The following CSMD1 variants were observed in gnomAD, a reference collection of about 807,000 sequenced individuals.
CSMD1 encodes CUB and Sushi multiple domains 1, also known as CUB and sushi domain-containing protein 1.
A neutral mutation model predicts 417.5 loss-of-function variants in CSMD1; 213 were observed. That is an observed-to-expected ratio of 0.51 (90% CI 0.46 to 0.57). The LOEUF is 0.57. Ranked by LOEUF, CSMD1 falls within the 20% of genes least tolerant of loss-of-function variation. CSMD1 has a pLI of 0.00. For missense variants in CSMD1, 6,923 were observed against 4,529.7 expected, an observed-to-expected ratio of 1.53 and a Z score of -15.17; for synonymous variants, 2,862 against 1,736.8, an observed-to-expected ratio of 1.65 and a Z score of -16.11.
chr8:4,190,580 A>T (rs1485713530), intron 3 of CSMD1, among the ~76,000 whole-genome samples: 1 of 150,928 alleles, frequency 6.6e-6, no homozygotes, highest in African/African-American at 2.4e-5. Context: ...CTGATGATCT[A>T]TTCCCATGTT....
intron 5 of CSMD1, among the ~76,000 whole-genome samples, chr8:3,901,631 A>C (rs2129133902): frequency 6.6e-6 from 1 of 151,788 alleles, no homozygotes; most frequent in Non-Finnish European, 1.5e-5. Flanking sequence ...CACCGAAGTA[A>C]AACAGTATCT....
intron 3 of CSMD1, among the ~76,000 whole-genome samples, chr8:4,080,174 A>C (rs1038842596): frequency 3.2e-4 from 49 of 152,024 alleles, no homozygotes; most frequent in African/African-American, 1.1e-3. Context: ...CATTTCTATG[A>C]ATCTTTACTT....
intron 1 of CSMD1, among the ~76,000 whole-genome samples, chr8:4,682,958 A>G (rs1334195377): frequency 7.8e-5 from 1 of 12,842 alleles, no homozygotes; most frequent in Non-Finnish European, 1.4e-4. Context: ...GTATCTTCAT[A>G]TATATATATA....
chr8:3,466,712 AG>A (rs770285041), intron 12 of CSMD1, among the ~76,000 whole-genome samples: 151 of 151,700 alleles, frequency 1.0e-3, no homozygotes, highest in Non-Finnish European at 6.6e-4. Flanking sequence ...TAAAGGTGTC[AG>A]CCCCCCTGCC....
chr8:3,549,474 G>C (rs758566468), intron 10 of CSMD1, among the ~76,000 whole-genome samples: 1 of 152,204 alleles, frequency 6.6e-6, no homozygotes, highest in Non-Finnish European at 1.5e-5. Context: ...TGTCGCAGCA[G>C]TGAGAGATGG....
At chr8:3,315,801 C>G (rs528350073) in intron 23 of CSMD1, among the ~76,000 whole-genome samples, 2 of 152,200 alleles carry the variant, frequency 1.3e-5, no homozygotes, top group South Asian at 2.1e-4. Flanking sequence ...TATTTTTTAT[C>G]AAGCAAACTT....
Position 4,374,167 on chromosome 8 carries a change from G to A in CSMD1, c.415+45786C>T, listed in dbSNP as rs140013965. On this transcript the variant is annotated intron_variant, in intron 3 of 69. Coordinates refer to ENST00000635120, the MANE Select transcript of CSMD1 (RefSeq NM_033225.6). ...AGTACGTCCTTACCCTCCCCTTTTA[G>A]ATCCCCCCTCTGAGTTCCAGTCCAG... 1.6e-3 allele frequency among the ~76,000 whole-genome samples: 239 copies of A among 152,142 alleles called. 1 individual carries two copies. Among genetic ancestry groups the A allele is most frequent in the African/African-American group, 5.5e-3 (228 of 41,510 alleles).
intron 1 of CSMD1, among the ~76,000 whole-genome samples, chr8:4,706,597 T>C (rs1360719331): frequency 6.6e-6 from 1 of 152,236 alleles, no homozygotes; most frequent in Non-Finnish European, 1.5e-5. Flanking sequence ...AGTTCAACTA[T>C]TTAGGAAGTG....
At chr8:4,952,704 G>A (rs1246557572) in intron 1 of CSMD1, among the ~76,000 whole-genome samples, 1 of 151,968 alleles carries the variant, frequency 6.6e-6, no homozygotes, top group Non-Finnish European at 1.5e-5. Context: ...ATTAAAATGA[G>A]TATTAAAATG....
chr8:4,336,595 C>A (rs530734268), intron 3 of CSMD1, among the ~76,000 whole-genome samples: 106 of 152,270 alleles, frequency 7.0e-4, no homozygotes, highest in African/African-American at 2.5e-3. Flanking sequence ...ATTTATTTTA[C>A]ACACACAAAG....
chr8:3,210,019 G>A (rs1316414116), intron 30 of CSMD1, among the ~76,000 whole-genome samples: 4 of 152,052 alleles, frequency 2.6e-5, no homozygotes, highest in Admixed American at 6.6e-5. Flanking sequence ...GGTAATAGAC[G>A]AATAACCAGG....
intron 12 of CSMD1, among the ~76,000 whole-genome samples, chr8:3,463,354 G>A (rs1490258901): frequency 6.6e-6 from 1 of 152,308 alleles, no homozygotes; most frequent in Non-Finnish European, 1.5e-5. Context: ...GGAAAAAAAT[G>A]TTAAATCCAC....
At chr8:4,855,638 G>A (rs188172553) in intron 1 of CSMD1, among the ~76,000 whole-genome samples, 2 of 152,320 alleles carry the variant, frequency 1.3e-5, no homozygotes, top group Admixed American at 6.5e-5. Flanking sequence ...TGGAGCCAAT[G>A]CAATCAACTG....
At chr8:4,772,202 T>C (rs551011662) in intron 1 of CSMD1, among the ~76,000 whole-genome samples, 14 of 152,244 alleles carry the variant, frequency 9.2e-5, no homozygotes, top group Non-Finnish European at 2.1e-4. Flanking sequence ...CCACGCATCA[T>C]TCTCTGCTTC....
chr8:4,624,350 A>G (rs1223882023), intron 2 of CSMD1, among the ~76,000 whole-genome samples: 1 of 152,120 alleles, frequency 6.6e-6, no homozygotes, highest in African/African-American at 2.4e-5. Flanking sequence ...CTCCATTATC[A>G]AAAGAAAGTA....
At chr8:4,015,964 G>C (rs1796503575) in intron 4 of CSMD1, among the ~76,000 whole-genome samples, 1 of 152,156 alleles carries the variant, frequency 6.6e-6, no homozygotes, top group Admixed American at 6.5e-5. Flanking sequence ...GTTGCCGTTG[G>C]AGGGAAATGT....
At chr8:3,383,988 T>C (rs1426256512) in intron 18 of CSMD1, among the ~76,000 whole-genome samples, 1 of 152,156 alleles carries the variant, frequency 6.6e-6, no homozygotes, top group African/African-American at 2.4e-5. Context: ...CTTCCCTGGA[T>C]AATTTCATTT....
intron 7 of CSMD1, among the ~76,000 whole-genome samples, chr8:3,656,070 C>A (rs925914050): frequency 6.6e-6 from 1 of 152,120 alleles, no homozygotes; most frequent in Non-Finnish European, 1.5e-5. Context: ...TCAAATAATG[C>A]CCAGCACCCC....
intron 1 of CSMD1, among the ~76,000 whole-genome samples, chr8:4,964,549 A>T (rs1438259799): frequency 6.6e-6 from 1 of 151,414 alleles, no homozygotes; most frequent in East Asian, 1.9e-4. Flanking sequence ...GAAAAAAAAA[A>T]AGGATGACTA....
Sources: gnomAD v4.1 joint callset for allele counts (sites outside exome capture counted in the v4.1 genomes callset) on GRCh38, gnomAD v4.1.1 for gene constraint, MANE v1.5 for transcripts, NCBI Gene and HGNC (gene_info 2026-07-23, HGNC 2026-07-21) for gene names.